The following NUP35 variants were observed in gnomAD, a reference collection of about 807,000 sequenced individuals.
NUP35 encodes nucleoporin 35, also known as nucleoporin NUP35.
NUP35 carries 25 observed loss-of-function variants against 41.5 expected under a neutral mutation model. That is an observed-to-expected ratio of 0.60 (90% CI 0.44 to 0.84). The LOEUF (loss-of-function observed/expected upper bound fraction) is 0.84. Among genes scored for constraint, NUP35 ranks in the 40% least tolerant of loss-of-function variants. NUP35 has a pLI of 0.00. For synonymous variants in NUP35, 149 were observed against 130.7 expected (o/e 1.14, Z -0.96); for missense variants, 396 against 396.6 (o/e 1.00, Z 0.01).
intron 1 of NUP35, among the ~76,000 whole-genome samples, chr2:183,126,556 T>A (rs2105537117): frequency 6.6e-6 from 1 of 152,322 alleles, no homozygotes; most frequent in Middle Eastern, 3.4e-3. Context: ...TGTAACATAG[T>A]AACTAGCACT....
rs1031199437 is a variant in NUP35 at position 183,128,568 on chromosome 2, A to G, written c.211+111A>G. ...AAGAATTGACTTGGGCCACACATAA[A>G]ATACAGTAACTCTAATAATAGCTGA... On this transcript the variant is annotated intron_variant, in intron 2 of 8. Coordinates refer to ENST00000295119, the MANE Select transcript of NUP35 (RefSeq NM_138285.5). The G allele has an allele frequency of 1.7e-5, 10 of 579,008 alleles. No homozygotes were observed. In the Admixed American group the frequency reaches 3.2e-4, roughly 18 times the overall value. 35.9% of individuals were successfully genotyped at this position (579,008 alleles called of 1,614,324 possible).
In NUP35 at chr2:183,124,474, T is replaced by A; in HGVS notation, c.17T>A (p.Val6Glu). 2 of 1,614,196 alleles carry A rather than the reference T, an allele frequency of 1.2e-6. No homozygotes were observed. The highest frequency in any genetic ancestry group is 1.7e-6 in the Non-Finnish European group (2 of 1,180,018). MAAFA[V>E]EPQGPALGSE... ...GCCGACGCAATGGCAGCCTTTGCAGTGGAACCTCAGGGGCCCGCGTTAGGT... is the reference window on the plus strand; with the variant it reads ...GCCGACGCAATGGCAGCCTTTGCAGAGGAACCTCAGGGGCCCGCGTTAGGT... Residue 6 changes from valine to glutamate, a missense_variant, in exon 1 of 9, where the codon GTG becomes GAG. Physicochemically the swap from Val to Glu is moderately radical, Grantham distance 121. Transcript: ENST00000295119.
upstream of NUP35, among the ~76,000 whole-genome samples, chr2:183,120,445 CAAAAA>C (rs3029530): frequency 3.4e-5 from 4 of 118,292 alleles, no homozygotes; most frequent in Non-Finnish European, 1.7e-5. Context: ...GACTCCGTCT[CAAAAA>C]AAAAAAAAAA....
chr2:183,151,531 A>T lies in NUP35; in HGVS notation c.421A>T (p.Ser141Cys), dbSNP rs1685468710. The T allele has an allele frequency of 1.2e-6, 2 of 1,613,924 alleles. No homozygotes were observed. Among genetic ancestry groups the T allele is most frequent in the Admixed American group, 3.3e-5 (2 of 60,002 alleles). ...AGGGCAAAGTATGTTTAGTCCAGCA[A>T]GTATCGGTCAGCCACGAAAGACGAC... ...GTGQSMFSPA[S>C]IGQPRKTTLS... is the part of the protein sequence containing the mutation. Residue 141 changes from serine to cysteine, a missense_variant, in exon 5 of 9, where the codon AGT becomes TGT. Ser to Cys is a moderately radical substitution (Grantham distance 112). Transcript: ENST00000295119.
chr2:183,125,020 C>G (rs1340699711), intron 1 of NUP35, among the ~76,000 whole-genome samples: 1 of 150,266 alleles, frequency 6.7e-6, no homozygotes, highest in Non-Finnish European at 1.5e-5. Context: ...TTAATGGAAG[C>G]TTGAATCGTG....
chr2:183,133,071 G>A (rs902502645), intron 3 of NUP35, among the ~76,000 whole-genome samples: 1 of 152,104 alleles, frequency 6.6e-6, no homozygotes, highest in African/African-American at 2.4e-5. Context: ...GAACTAAAAT[G>A]GATAATTTAC....
At chr2:183,130,785 C>G (rs537470140) in intron 3 of NUP35, among the ~76,000 whole-genome samples, 1 of 152,110 alleles carries the variant, frequency 6.6e-6, no homozygotes, top group African/African-American at 2.4e-5. Context: ...TATAGGTATG[C>G]CTTATCCACC....
intron 4 of NUP35, among the ~76,000 whole-genome samples, chr2:183,144,682 G>A (rs192543595): frequency 2.0e-5 from 3 of 152,312 alleles, no homozygotes; most frequent in East Asian, 3.9e-4. Flanking sequence ...CCGATTTGAT[G>A]TGGTTTGATA....
chr2:183,159,842 G>A, intron 8 of NUP35, 190 bp downstream of exon 8: 2 of 465,704 alleles, frequency 4.3e-6, no homozygotes, highest in Non-Finnish European at 3.7e-6. Flanking sequence ...AAGTTATCAT[G>A]AATTAAAAAA....
chr2:183,153,683 G>A (rs1329409677), intron 5 of NUP35, among the ~76,000 whole-genome samples: 1 of 152,138 alleles, frequency 6.6e-6, no homozygotes, highest in Non-Finnish European at 1.5e-5. Flanking sequence ...CCTCCTGGCT[G>A]TTTTCCCGTG....
chr2:183,151,599 T>C lies in NUP35; in HGVS notation c.489T>C (p.Asp163=), dbSNP rs951238100. The change falls in exon 5 of 9, where the codon GAT becomes GAC. Residue 163 remains aspartate (D), a synonymous_variant. Coordinates refer to ENST00000295119, the MANE Select transcript of NUP35 (RefSeq NM_138285.5). ...AQLDPFYTQG[D]SLTSEDHLDD... The stretch of plus-strand genomic sequence containing the variant: ...TGGATCCTTTTTATACTCAAGGAGA[T>C]TCTTTGACTTCAGAAGATCACCTCG... The C allele has an allele frequency of 3.7e-6, 6 of 1,613,844 alleles. No homozygotes were observed. In the African/African-American group the frequency reaches 5.3e-5, roughly 14 times the overall value.
At chr2:183,152,375 G>A (rs1217869216) in intron 5 of NUP35, among the ~76,000 whole-genome samples, 2 of 151,962 alleles carry the variant, frequency 1.3e-5, no homozygotes, top group Non-Finnish European at 2.9e-5. Context: ...AGACTTTGGG[G>A]CACCCATCTC....
chr2:183,120,150 A>C (rs1235497936), upstream of NUP35: 2 of 152,220 alleles, frequency 1.3e-5, no homozygotes, highest in African/African-American at 4.8e-5. Context: ...ATGTGTATGA[A>C]GAAGAAAGCT....
chr2:183,124,272 G>C (rs754652387), upstream of NUP35: 1 of 1,379,002 alleles, frequency 7.3e-7, no homozygotes, highest in Non-Finnish European at 9.5e-7. Context: ...CCCTTTCCTC[G>C]GAAATTCTCA....
At chr2:183,125,370 AAAGTT>A (rs1684423720) in intron 1 of NUP35, among the ~76,000 whole-genome samples, 1 of 150,324 alleles carries the variant, frequency 6.7e-6, no homozygotes, top group Admixed American at 6.6e-5. Context: ...ACTTACCTGA[AAAGTT>A]AGGTTATAAC....
At position 183,161,332 on chromosome 2, in the gene NUP35, TA is replaced by T; in HGVS notation, c.*206del. ...GCTTGAGATACATTTTAAAGAAAAC[TA>T]AAAATCCCTGTAAATAGGATTTTGT... is the stretch of plus-strand genomic sequence containing the variant. On this transcript the variant is annotated 3_prime_UTR_variant, in exon 9 of 9. Coordinates refer to ENST00000295119, the MANE Select transcript of NUP35 (RefSeq NM_138285.5). The T allele has an allele frequency of 2.5e-6, 1 of 393,964 alleles. No individual in the cohort carries two copies. The highest frequency in any genetic ancestry group is 4.7e-6 in the Non-Finnish European group (1 of 212,198). 24.4% of individuals were successfully genotyped at this position (393,964 alleles called of 1,614,324 possible).
At position 183,161,076 on chromosome 2, in the gene NUP35, C is replaced by CA. The variant is rs1685860513; in HGVS notation, c.933dup (p.Asp312ArgfsTer2). On this transcript the variant is annotated frameshift_variant, in exon 9 of 9. Coordinates refer to ENST00000295119, the MANE Select transcript of NUP35 (RefSeq NM_138285.5). LOFTEE classifies it high-confidence loss of function. The stretch of plus-strand genomic sequence containing the variant: ...TAGGTTATTTCTGACAGACAAACGC[C>CA]AAAAAAAGATGAAAGTCTTGTATCC... 1 of 1,611,212 alleles carries CA rather than the reference C, an allele frequency of 6.2e-7. No individual in the cohort carries two copies. Among genetic ancestry groups the CA allele is most frequent in the Non-Finnish European group, 8.5e-7 (1 of 1,178,440 alleles).
chr2:183,139,977 A>G (rs1440252989), intron 4 of NUP35, among the ~76,000 whole-genome samples: 1 of 152,232 alleles, frequency 6.6e-6, no homozygotes, highest in African/African-American at 2.4e-5. Context: ...CCACTACCAA[A>G]TAAGAGGATT....
At chr2:183,146,927 G>T (rs957972889) in intron 4 of NUP35, among the ~76,000 whole-genome samples, 2 of 152,034 alleles carry the variant, frequency 1.3e-5, no homozygotes, top group Non-Finnish European at 2.9e-5. Context: ...TAGCCATTTT[G>T]ATTGGTGTGA....
Sources: gnomAD v4.1 joint callset for allele counts (sites outside exome capture counted in the v4.1 genomes callset) on GRCh38, gnomAD v4.1.1 for gene constraint, MANE v1.5 for transcripts, NCBI Gene and HGNC (gene_info 2026-07-23, HGNC 2026-07-21) for gene names.